Variants in DZANK1 observed in about 807,000 individuals in gnomAD.
The protein encoded by DZANK1 is double zinc ribbon and ankyrin repeat-containing protein 1.
In DZANK1, 91 loss-of-function variants were observed where a neutral mutation model predicts 94.5. The observed-to-expected ratio is 0.96, with a 90% CI of 0.81 to 1.15. The LOEUF (loss-of-function observed/expected upper bound fraction) is 1.15, where lower values mean the gene tolerates loss of function less well. Ranked by LOEUF, DZANK1 falls within the 50% of genes most tolerant of loss-of-function variation. DZANK1 has a pLI of 0.00. For synonymous variants in DZANK1, 312 were observed against 325.3 expected (o/e 0.96, Z 0.44); for missense variants, 903 against 916.4 (o/e 0.99, Z 0.19).
At chr20:18,395,039 A>G (rs1193196962) in intron 15 of DZANK1, among the ~76,000 whole-genome samples, 1 of 152,240 alleles carries the variant, frequency 6.6e-6, no homozygotes, top group Non-Finnish European at 1.5e-5. Flanking sequence ...CTTCCTGAAC[A>G]CTAGAACATG....
intron 14 of DZANK1, chr20:18,398,210 G>A (rs998470602): frequency 5.8e-6 from 2 of 345,230 alleles, no homozygotes; most frequent in Admixed American, 7.4e-5. Flanking sequence ...TTAAGTGCAC[G>A]ATCTGGATGG....
Position 18,458,977 on chromosome 20 carries a change from T to C in DZANK1, c.263+1176A>G, listed in dbSNP as rs137918491. On this transcript the variant is annotated intron_variant, in intron 3 of 20. Coordinates refer to ENST00000262547, the Ensembl canonical transcript of DZANK1. ...TAACAGTACCTTTCAGAATAGACAC[T>C]TAGTGGACACAGAGCAGAATGGTGA... Among the ~76,000 whole-genome samples the C allele has an allele frequency of 3.7e-3, 561 of 152,326 alleles. 2 individuals are homozygous for C. The highest frequency in any genetic ancestry group is 0.012 in the African/African-American group (509 of 41,562).
At chr20:18,458,105 T>A (rs1349874453) in intron 3 of DZANK1, among the ~76,000 whole-genome samples, 2 of 152,232 alleles carry the variant, frequency 1.3e-5, no homozygotes, top group Non-Finnish European at 2.9e-5. Flanking sequence ...TCTTCAGTGT[T>A]CTTTGTCTGC....
chr20:18,384,198 T>C, exon 21 of DZANK1: 1 of 407,104 alleles, frequency 2.5e-6, no homozygotes, highest in East Asian at 4.7e-5. Context: ...TAACTGGGAT[T>C]ACAGGCATGC....
chr20:18,406,739 G>C (rs369295399), intron 13 of DZANK1, among the ~76,000 whole-genome samples: 1 of 152,242 alleles, frequency 6.6e-6, no homozygotes, highest in East Asian at 1.9e-4. Flanking sequence ...CAACAAGCAG[G>C]CTCTTGGGGT....
At chr20:18,390,061 C>A (rs572086728) in intron 18 of DZANK1, among the ~76,000 whole-genome samples, 2 of 152,282 alleles carry the variant, frequency 1.3e-5, no homozygotes, top group African/African-American at 4.8e-5. Flanking sequence ...GAGGGGAGGG[C>A]AGGCACCCTG....
Position 18,448,972 on chromosome 20 carries a change from T to C in DZANK1, c.629+12A>G. ...AGGATTTAAGGCAGAGTAAAGAGAA[T>C]GTGATACTTACTTGAGAAAGTCTGT... is the stretch of plus-strand genomic sequence containing the variant. On this transcript the variant is annotated intron_variant, in intron 7 of 20. Coordinates refer to ENST00000262547, the Ensembl canonical transcript of DZANK1. 6.2e-7 allele frequency: 1 copy of C among 1,603,786 alleles called. No individual in the cohort carries two copies. Among genetic ancestry groups the C allele is most frequent in the South Asian group, 1.1e-5 (1 of 90,858 alleles).
chr20:18,386,179 T>C (rs1338338422), intron 19 of DZANK1, among the ~76,000 whole-genome samples: 1 of 152,202 alleles, frequency 6.6e-6, no homozygotes, highest in South Asian at 2.1e-4. Flanking sequence ...TCCTCTCTGA[T>C]GAAGATAAAG....
intron 19 of DZANK1, among the ~76,000 whole-genome samples, chr20:18,387,130 A>G (rs564348825): frequency 7.9e-4 from 120 of 152,302 alleles, no homozygotes; most frequent in Non-Finnish European, 1.2e-3. Flanking sequence ...TTGGGCCTTT[A>G]TAAAGCATTC....
chr20:18,383,425 T>A (rs1266047031), exon 21 of DZANK1: 1 of 152,112 alleles, frequency 6.6e-6, no homozygotes, highest in Non-Finnish European at 1.5e-5. Flanking sequence ...GAACACACCA[T>A]AATGATGGGA....
chr20:18,415,226 AC>A, intron 11 of DZANK1, 100 bp downstream of exon 11: 1 of 1,258,256 alleles, frequency 7.9e-7, no homozygotes, highest in Non-Finnish European at 1.0e-6. Flanking sequence ...TAGCGAAATC[AC>A]AAGAAGTGAT....
In DZANK1 at chr20:18,441,777, A is replaced by G. The variant is rs2058723329; in HGVS notation, c.747+1570T>C. On this transcript the variant is annotated intron_variant, in intron 8 of 20. Coordinates refer to ENST00000262547, the Ensembl canonical transcript of DZANK1. This position sits in a 1 kb window ranked among gnomAD's most constrained non-coding sequence, Gnocchi z 4.1. ...AGGGAACTGGCAGAACATGTTGGGAAGTCAGATACAGAGATGTGGCTGGAA... is the reference window on the plus strand; with the variant it reads ...AGGGAACTGGCAGAACATGTTGGGAGGTCAGATACAGAGATGTGGCTGGAA... Among the ~76,000 whole-genome samples, 1 of 152,250 alleles carries G rather than the reference A, an allele frequency of 6.6e-6. No individual in the cohort carries two copies. Among genetic ancestry groups the G allele is most frequent in the South Asian group, 2.1e-4 (1 of 4,830 alleles).
chr20:18,412,395 A>G (rs570266954), intron 13 of DZANK1, among the ~76,000 whole-genome samples: 33 of 152,348 alleles, frequency 2.2e-4, no homozygotes, highest in African/African-American at 7.0e-4. Context: ...AGAAACCCAC[A>G]TGCGCCATGT....
exon 3 of DZANK1, chr20:18,460,253 G>A (rs2148811890): frequency 1.3e-6 from 2 of 1,591,496 alleles, no homozygotes; most frequent in Non-Finnish European, 1.7e-6. Context: ...ATTCTCTTTA[G>A]AAATTCAGGT....
chr20:18,455,442 A>G, intron 3 of DZANK1, 81 bp from the exon 4 acceptor site: 1 of 895,202 alleles, frequency 1.1e-6, no homozygotes, highest in Non-Finnish European at 1.7e-6. Flanking sequence ...TGATTTTATT[A>G]AAGTGCCTTA....
At chr20:18,395,475 A>G (rs1379833124) in intron 15 of DZANK1, among the ~76,000 whole-genome samples, 1 of 152,190 alleles carries the variant, frequency 6.6e-6, no homozygotes, top group Non-Finnish European at 1.5e-5. Context: ...GGCCTGCCCC[A>G]TTCCCACTAG....
intron 13 of DZANK1, among the ~76,000 whole-genome samples, chr20:18,411,764 C>T (rs2057267015): frequency 6.6e-6 from 1 of 152,144 alleles, no homozygotes; most frequent in Non-Finnish European, 1.5e-5. Flanking sequence ...ATACTTGAGA[C>T]TGGGTAATTT....
At chr20:18,391,022 C>T (rs893621681) in intron 17 of DZANK1, among the ~76,000 whole-genome samples, 1 of 152,096 alleles carries the variant, frequency 6.6e-6, no homozygotes, top group Non-Finnish European at 1.5e-5. Context: ...ATGGTGAAAC[C>T]GTGTCTCTAC....
At chr20:18,392,513 C>T (rs529736603) in intron 17 of DZANK1, among the ~76,000 whole-genome samples, 3 of 152,158 alleles carry the variant, frequency 2.0e-5, no homozygotes, top group Non-Finnish European at 4.4e-5. Flanking sequence ...GTGTCCAGCT[C>T]GGACCCGGGC....
Sources: allele counts gnomAD v4.1 joint callset (sites outside exome capture counted in the v4.1 genomes callset), GRCh38; gene constraint gnomAD v4.1.1; non-coding constraint Gnocchi (gnomAD v3.1); transcripts MANE v1.5; gene names NCBI Gene and HGNC (gene_info 2026-07-23, HGNC 2026-07-21).